Variants in TFRC observed in about 807,000 individuals in gnomAD.
TFRC encodes transferrin receptor protein 1.
TFRC carries 35 observed loss-of-function variants against 85.8 expected under a neutral mutation model. The observed-to-expected ratio is 0.41, with a 90% CI of 0.31 to 0.54. The LOEUF (loss-of-function observed/expected upper bound fraction) is 0.54. Among genes scored for constraint, TFRC ranks in the 20% least tolerant of loss-of-function variants. The pLI is 0.31. For missense variants in TFRC, 828 were observed against 921.5 expected, an observed-to-expected ratio of 0.90 and a Z score of 1.31; for synonymous variants, 362 against 328.6, an observed-to-expected ratio of 1.10 and a Z score of -1.10.
Position 196,077,105 on chromosome 3 carries a change from A to C in TFRC, c.-6T>G, listed in dbSNP as rs770503397. On this transcript the variant is annotated 5_prime_UTR_variant, in exon 2 of 19. Coordinates refer to ENST00000360110, the MANE Select transcript of TFRC (RefSeq NM_001128148.3). Reference sequence around the variant, plus strand: ...GATCTAGCTTGATCCATCATTCTGAACTGCCACACAGAAGAACCTAGGTAT... The same window carrying C: ...GATCTAGCTTGATCCATCATTCTGACCTGCCACACAGAAGAACCTAGGTAT... The C allele has an allele frequency of 2.5e-6, 4 of 1,613,568 alleles. No homozygotes were observed. The highest frequency in any genetic ancestry group is 3.3e-5 in the Admixed American group (2 of 59,996).
chr3:196,058,070 T>C (rs1716961489), intron 16 of TFRC: 1 of 401,050 alleles, frequency 2.5e-6, no homozygotes. Context: ...GGTGTCATCC[T>C]TGTTATTGAT....
In TFRC at chr3:196,049,509, CG is replaced by C. The variant is rs1327721657; in HGVS notation, c.*2432del. 4.6e-6 allele frequency: 1 copy of C among 219,772 alleles called. No individual in the cohort carries two copies. Among genetic ancestry groups the C allele is most frequent in the Non-Finnish European group, 9.1e-6 (1 of 109,630 alleles). The allele number at this position is 219,772 out of a possible 1,614,324, so 13.6% of individuals were successfully genotyped here. A position where few individuals can be genotyped will look rare whatever the true frequency, so the allele number is the denominator to read the frequency against. On this transcript the variant is annotated 3_prime_UTR_variant, in exon 19 of 19. Coordinates refer to ENST00000360110, the MANE Select transcript of TFRC (RefSeq NM_001128148.3). Reference sequence around the variant, plus strand: ...ACCTCCAAAAGGCCCATCTCCTTAACGAGAAGACATCTCAAGACCAGGAGCT... The same window carrying C: ...ACCTCCAAAAGGCCCATCTCCTTAACAGAAGACATCTCAAGACCAGGAGCT...
chr3:196,058,523 G>A (rs751824052), intron 15 of TFRC, 51 bp downstream of exon 15: 1 of 1,555,380 alleles, frequency 6.4e-7, no homozygotes, highest in East Asian at 2.2e-5. Flanking sequence ...AATGTAGTAG[G>A]TAGAATCTCT....
In TFRC at chr3:196,051,728, T is replaced by A. The variant is rs1332890276; in HGVS notation, c.*214A>T. 8 of 547,810 alleles carry A rather than the reference T, an allele frequency of 1.5e-5. No individual in the cohort carries two copies. Among genetic ancestry groups the A allele is most frequent in the Middle Eastern group, 4.9e-4 (1 of 2,046 alleles). 33.9% of individuals were successfully genotyped at this position (547,810 alleles called of 1,614,324 possible). A position where few individuals can be genotyped will look rare whatever the true frequency, so the allele number is the denominator to read the frequency against. ...CTAGAGATAGGGGAATATTCCATCATGGACATTTTTTAAGTGGTTATTCAC... is the reference window on the plus strand; with the variant it reads ...CTAGAGATAGGGGAATATTCCATCAAGGACATTTTTTAAGTGGTTATTCAC... On this transcript the variant is annotated 3_prime_UTR_variant, in exon 19 of 19. Transcript: ENST00000360110.
Position 196,074,013 on chromosome 3 carries a change from AG to A in TFRC, c.350del (p.Pro117LeufsTer11), listed in dbSNP as rs1718447300. ...PVREEPGEDFPAARRLYWDDL... is the reference protein window; with the variant it reads ...PVREEPGEDFXAARRLYWDDL... ...CATCCCAATATAAGCGACGTGCTGC[AG>A]GGAAGTCCTCTCCTGGCTCCTCCCT... On this transcript the variant is annotated frameshift_variant, in exon 4 of 19. Transcript: ENST00000360110. LOFTEE classifies it high-confidence loss of function. 1 of 1,614,178 alleles carries A rather than the reference AG, an allele frequency of 6.2e-7. No homozygotes were observed. The highest frequency in any genetic ancestry group is 8.5e-7 in the Non-Finnish European group (1 of 1,180,038).
intron 9 of TFRC, 94 bp downstream of exon 9, chr3:196,067,424 T>C: frequency 2.2e-6 from 3 of 1,363,546 alleles, no homozygotes; most frequent in South Asian, 3.0e-5. Context: ...ATGTGGAAAA[T>C]TATCATCATG....
At chr3:196,063,174 T>C (rs967588033) in intron 11 of TFRC, 1 of 415,836 alleles carries the variant, frequency 2.4e-6, no homozygotes, top group Non-Finnish European at 4.4e-6. Flanking sequence ...AAGAGCAAGA[T>C]AGGAGATCTG....
At chr3:196,067,428 C>G in intron 9 of TFRC, 90 bp downstream of exon 9, 2 of 1,370,456 alleles carry the variant, frequency 1.5e-6, no homozygotes, top group East Asian at 2.4e-5. Flanking sequence ...GGAAAATTAT[C>G]ATCATGTTTA....
chr3:196,049,797 G>A lies in TFRC; in HGVS notation c.*2145C>T, dbSNP rs1716161985. 8.7e-6 allele frequency: 2 copies of A among 230,132 alleles called. No homozygotes were observed. Among genetic ancestry groups the A allele is most frequent in the Non-Finnish European group, 1.7e-5 (2 of 116,214 alleles). The allele number at this position is 230,132 out of a possible 1,614,324, so 14.3% of individuals were successfully genotyped here. On this transcript the variant is annotated 3_prime_UTR_variant, in exon 19 of 19. Coordinates refer to ENST00000360110, the MANE Select transcript of TFRC (RefSeq NM_001128148.3). ...CGCTAAATGTCAGTCCAAGATAAAA[G>A]AGGAGATTAAAGATAAAACTGAAGA...
chr3:196,053,841 A>G (rs1270912016), intron 17 of TFRC, among the ~76,000 whole-genome samples: 3 of 152,208 alleles, frequency 2.0e-5, no homozygotes, highest in African/African-American at 7.2e-5. Context: ...CTTTTGGGGG[A>G]AAATGTCCCT....
chr3:196,053,642 T>G, intron 17 of TFRC, 84 bp from the exon 18 acceptor site: 5 of 1,547,658 alleles, frequency 3.2e-6, no homozygotes, highest in Non-Finnish European at 4.4e-6. Context: ...GTGCGTTAAG[T>G]AAGATTCTGA....
At chr3:196,058,482 T>C in intron 15 of TFRC, 92 bp downstream of exon 15, 13 of 1,486,914 alleles carry the variant, frequency 8.7e-6, no homozygotes, top group Non-Finnish European at 1.2e-5. Context: ...TGTAAGTAAG[T>C]TCAATGCAAG....
At chr3:196,064,222 T>G (rs1717519939) in intron 11 of TFRC, 87 bp downstream of exon 11, 5 of 1,361,842 alleles carry the variant, frequency 3.7e-6, no homozygotes, top group Non-Finnish European at 4.8e-6. Context: ...ACCACAGGAA[T>G]GCAGGCAAAG....
chr3:196,078,708 A>C (rs1718912855), intron 1 of TFRC, among the ~76,000 whole-genome samples: 2 of 152,286 alleles, frequency 1.3e-5, no homozygotes, highest in African/African-American at 2.4e-5. Context: ...ATTACAAAAA[A>C]TTCTTTTTAA....
chr3:196,055,379 G>GT, intron 16 of TFRC, 78 bp from the exon 17 acceptor site: 6 of 1,263,252 alleles, frequency 4.7e-6, no homozygotes, highest in Non-Finnish European at 6.9e-6. Flanking sequence ...CGCCATCGAG[G>GT]TAACAGTGAC....
intron 17 of TFRC, among the ~76,000 whole-genome samples, chr3:196,054,387 A>C (rs1716598609): frequency 6.6e-6 from 1 of 152,236 alleles, no homozygotes; most frequent in East Asian, 1.9e-4. Flanking sequence ...CCTGGGGGAC[A>C]AGAGCGAGAC....
At chr3:196,054,108 G>A (rs554299380) in intron 17 of TFRC, among the ~76,000 whole-genome samples, 16 of 152,054 alleles carry the variant, frequency 1.1e-4, no homozygotes, top group East Asian at 1.9e-4. Flanking sequence ...CGTGGTGGCC[G>A]GCACCTGTAG....
Position 196,072,157 on chromosome 3 carries a change from A to G in TFRC, c.435-5T>C, listed in dbSNP as rs1331746455. On this transcript the variant is annotated splice_region_variant and splice_polypyrimidine_tract_variant and intron_variant, in intron 4 of 18. Coordinates refer to ENST00000360110, the MANE Select transcript of TFRC (RefSeq NM_001128148.3). ...TATGAATTTTCATTCAGCAGCCTGGAGGAGAAAATGCCTTTTAAATGAACT... is the reference window on the plus strand; with the variant it reads ...TATGAATTTTCATTCAGCAGCCTGGGGGAGAAAATGCCTTTTAAATGAACT... 1 of 1,611,530 alleles carries G rather than the reference A, an allele frequency of 6.2e-7. No individual in the cohort carries two copies. The highest frequency in any genetic ancestry group is 1.3e-5 in the African/African-American group (1 of 74,758).
chr3:196,077,059 C>T lies in TFRC; in HGVS notation c.36+5G>A. 1 of 1,613,498 alleles carries T rather than the reference C, an allele frequency of 6.2e-7. No individual in the cohort carries two copies. Among genetic ancestry groups the T allele is most frequent in the South Asian group, 1.1e-5 (1 of 91,056 alleles). On this transcript the variant is annotated splice_donor_5th_base_variant and intron_variant, in intron 2 of 18. Coordinates refer to ENST00000360110, the MANE Select transcript of TFRC (RefSeq NM_001128148.3). The stretch of plus-strand genomic sequence containing the variant: ...GACACAGAAATACAACTGAAAATAT[C>T]TTACCAAGTTAGAGAATGCTGATCT...
Sources: gnomAD v4.1 joint callset for allele counts (sites outside exome capture counted in the v4.1 genomes callset) on GRCh38, gnomAD v4.1.1 for gene constraint, MANE v1.5 for transcripts, NCBI Gene and HGNC (gene_info 2026-07-23, HGNC 2026-07-21) for gene names.